POLQ: variants seen among roughly 807,000 people sequenced by gnomAD.
POLQ encodes epididymis secretory sperm binding protein.
Under a neutral mutation model 259.2 loss-of-function variants are expected in POLQ, and 233 were observed. The ratio of observed to expected loss-of-function variants is 0.90; its 90% CI spans 0.81 to 1.00. The LOEUF is 1.00. Ranked by LOEUF, POLQ falls within the 50% of genes least tolerant of loss-of-function variation. The probability of loss-of-function intolerance (pLI) is 0.00; values close to 1 mark genes in which losing one functional copy is unlikely to be tolerated. For synonymous variants in POLQ, 1,025 were observed against 1,048.8 expected, an observed-to-expected ratio of 0.98 and a Z score of 0.44; for missense variants, 2,871 against 3,051.6, an observed-to-expected ratio of 0.94 and a Z score of 1.39.
chr3:121,489,060 G>C lies in POLQ; in HGVS notation c.3871C>G (p.Leu1291Val). ...GTATAAGTACCTGTTTTTTCTTGTA[G>C]TCTAGAAATATTTAGAAAATTCTCA... ...QHENFLNISR[L>V]QEKTGTYTTN... The change falls in exon 16 of 30, where the codon CTA becomes GTA. Residue 1291 changes from leucine (L) to valine (V), a missense_variant. By Grantham distance (32) the Leu-to-Val change is conservative. This residue lies in a region of POLQ where 2,080 missense variants were observed against 2,126.0 expected (regional missense o/e 0.98). Transcript: ENST00000264233. 6.2e-7 allele frequency: 1 copy of C among 1,613,004 alleles called. No individual in the cohort carries two copies. Among genetic ancestry groups the C allele is most frequent in the Non-Finnish European group, 8.5e-7 (1 of 1,179,224 alleles).
chr3:121,508,313 C>T (rs1011714420), intron 12 of POLQ, among the ~76,000 whole-genome samples: 2 of 152,128 alleles, frequency 1.3e-5, no homozygotes, highest in African/African-American at 4.8e-5. Context: ...AAATGACTTA[C>T]ATAATGTTTA....
intron 29 of POLQ, 81 bp from the exon 30 acceptor site, chr3:121,432,498 C>T (rs1465081291): frequency 7.0e-7 from 1 of 1,431,840 alleles, no homozygotes; most frequent in South Asian, 1.4e-5. Flanking sequence ...AGTTATAAAC[C>T]AGACTGGAGC....
intron 29 of POLQ, 73 bp downstream of exon 29, chr3:121,432,845 G>GA: frequency 1.1e-6 from 1 of 898,720 alleles, no homozygotes; most frequent in Non-Finnish European, 1.9e-6. Context: ...TCATGCACAG[G>GA]AAACAAAGCT....
intron 2 of POLQ, 70 bp downstream of exon 2, chr3:121,544,657 A>G: frequency 9.9e-7 from 1 of 1,011,612 alleles, no homozygotes; most frequent in South Asian, 1.4e-5. Flanking sequence ...ACGAACCACA[A>G]CTACCTCAAT....
At position 121,498,462 on chromosome 3, in the gene POLQ, G is replaced by C; in HGVS notation, c.2153+15C>G. The C allele has an allele frequency of 1.3e-6, 2 of 1,599,976 alleles. No homozygotes were observed. The highest frequency in any genetic ancestry group is 1.7e-6 in the Non-Finnish European group (2 of 1,168,302). The stretch of plus-strand genomic sequence containing the variant: ...TGTGTTAAATACCGGAGAGCCCAGA[G>C]ACCTTGACGTTTACCTTTTATGGAT... On this transcript the variant is annotated intron_variant, in intron 13 of 29. Coordinates refer to ENST00000264233, the MANE Select transcript of POLQ (RefSeq NM_199420.4).
At position 121,506,041 on chromosome 3, in the gene POLQ, A is replaced by T. The variant is rs867476134; in HGVS notation, c.1959+3520T>A. The stretch of plus-strand genomic sequence containing the variant: ...CCATCTCAAAAAAAAAAAAAAAAAA[A>T]ATAGGGGGATCACAACTATACAATT... On this transcript the variant is annotated intron_variant, in intron 12 of 29. Transcript: ENST00000264233. Among the ~76,000 whole-genome samples the T allele has an allele frequency of 5.8e-3, 869 of 150,540 alleles. 8 individuals carry two copies. Among genetic ancestry groups the T allele is most frequent in the Middle Eastern group, 0.014 (4 of 292 alleles).
Position 121,460,119 on chromosome 3 carries a change from G to T in POLQ, c.7083C>A (p.Ser2361Arg). Reference sequence around the variant, plus strand: ...CAATCATCTTCCACTCTGCTGCAATGCTCCTGAAAACATCAGCTCCAGTGT... The same window carrying T: ...CAATCATCTTCCACTCTGCTGCAATTCTCCTGAAAACATCAGCTCCAGTGT... ...VLNTGADVFR[S>R]IAAEWKMIEP... Residue 2361 changes from serine to arginine, a missense_variant, in exon 25 of 30, where the codon AGC becomes AGA. Around this residue, in one of 3 missense-constraint regions of POLQ, gnomAD observed 2,080 missense variants for 2,126.0 expected, o/e 0.98. Transcript: ENST00000264233. 1 of 1,613,856 alleles carries T rather than the reference G, an allele frequency of 6.2e-7. No individual in the cohort carries two copies. Among genetic ancestry groups the T allele is most frequent in the Non-Finnish European group, 8.5e-7 (1 of 1,179,836 alleles).
chr3:121,455,502 G>A (rs1427122677), intron 25 of POLQ, among the ~76,000 whole-genome samples: 1 of 139,736 alleles, frequency 7.2e-6, no homozygotes, highest in African/African-American at 2.7e-5. Context: ...TAATAAAGAA[G>A]AAAAGAGAGA....
intron 3 of POLQ, 116 bp downstream of exon 3, chr3:121,541,233 G>A: frequency 1.1e-6 from 1 of 911,140 alleles, no homozygotes. Flanking sequence ...AGCTACATAG[G>A]GCACAATGAA....
rs775875695 is a variant in POLQ, at chr3:121,449,311, T to C, written c.7264+4A>G. 23 of 1,334,378 alleles carry C rather than the reference T, an allele frequency of 1.7e-5. No individual in the cohort carries two copies. Among genetic ancestry groups the C allele is most frequent in the Non-Finnish European group, 2.4e-5 (22 of 926,272 alleles). The allele number at this position is 1,334,378 out of a possible 1,614,324, so 82.7% of individuals were successfully genotyped here. A position where few individuals can be genotyped will look rare whatever the true frequency, so the allele number is the denominator to read the frequency against. On this transcript the variant is annotated splice_donor_region_variant and intron_variant, in intron 26 of 29. Coordinates refer to ENST00000264233, the MANE Select transcript of POLQ (RefSeq NM_199420.4). ...AAAAGAATACTATCTAGAAGATAAA[T>C]TACCTGTGTATCTGGATTTGAAGGA... is the stretch of plus-strand genomic sequence containing the variant.
intron 25 of POLQ, among the ~76,000 whole-genome samples, chr3:121,452,105 G>A (rs376686278): frequency 6.6e-6 from 1 of 152,202 alleles, no homozygotes; most frequent in South Asian, 2.1e-4. Flanking sequence ...GATATAATCT[G>A]TTGATGTGCC....
chr3:121,499,410 C>T (rs562531654), intron 12 of POLQ, among the ~76,000 whole-genome samples: 60 of 152,130 alleles, frequency 3.9e-4, no homozygotes, highest in African/African-American at 1.4e-3. Flanking sequence ...AGTGCCACCA[C>T]GTCTGCCTAA....
At chr3:121,459,369 A>ATTTTTTTTTTTTTT (rs58859161) in intron 25 of POLQ, among the ~76,000 whole-genome samples, 32 of 104,736 alleles carry the variant, frequency 3.1e-4, no homozygotes, top group Non-Finnish European at 4.3e-4. Context: ...GACTAGAAAG[A>ATTTTTTTTTTTTTT]TTTTTTTTTT....
At position 121,543,426 on chromosome 3, in the gene POLQ, ACT is replaced by A. The variant is rs368074440; in HGVS notation, c.343+1299_343+1300del. ...CACACATACTCACAAACACATATACACTCTCTCACTCTTCCTAAGTAATCTGT... is the reference window on the plus strand; with the variant it reads ...CACACATACTCACAAACACATATACACTCTCACTCTTCCTAAGTAATCTGT... On this transcript the variant is annotated intron_variant, in intron 2 of 29. Coordinates refer to ENST00000264233, the MANE Select transcript of POLQ (RefSeq NM_199420.4). Among the ~76,000 whole-genome samples the A allele has an allele frequency of 1.5e-3, 227 of 152,142 alleles. 2 individuals carry two copies. Among genetic ancestry groups the A allele is most frequent in the African/African-American group, 5.2e-3 (217 of 41,502 alleles).
intron 19 of POLQ, among the ~76,000 whole-genome samples, chr3:121,477,960 T>A (rs2047940402): frequency 6.6e-6 from 1 of 152,092 alleles, no homozygotes; most frequent in South Asian, 2.1e-4. Context: ...GTGGAGAAAT[T>A]CACGTTACTT....
intron 13 of POLQ, among the ~76,000 whole-genome samples, chr3:121,498,272 T>C (rs552514056): frequency 3.4e-4 from 51 of 151,800 alleles, no homozygotes; most frequent in African/African-American, 1.2e-3. Flanking sequence ...ATCGCGCTAT[T>C]GCACTCCAGC....
At chr3:121,509,483 G>T in intron 12 of POLQ, 78 bp downstream of exon 12, 3 of 1,221,380 alleles carry the variant, frequency 2.5e-6, no homozygotes, top group Admixed American at 2.0e-5. Flanking sequence ...TTCTGTTAGG[G>T]TATCTTTGAT....
chr3:121,521,674 A>T (rs937504983), intron 8 of POLQ: 1 of 159,382 alleles, frequency 6.3e-6, no homozygotes, highest in East Asian at 1.8e-4. Context: ...GGTTCAAGCA[A>T]TTCTCCCTGC....
chr3:121,535,032 T>C (rs1576429126), intron 5 of POLQ, among the ~76,000 whole-genome samples: 1 of 152,358 alleles, frequency 6.6e-6, no homozygotes, highest in South Asian at 2.1e-4. Flanking sequence ...TTTGAGGTAA[T>C]TGTTCAATAT....
Sources: gnomAD v4.1 joint callset for allele counts (sites outside exome capture counted in the v4.1 genomes callset) on GRCh38, gnomAD v4.1.1 for gene constraint, gnomAD v4.1.1 regional missense constraint, MANE v1.5 for transcripts, NCBI Gene and HGNC (gene_info 2026-07-23, HGNC 2026-07-21) for gene names.